The following RAF1 variants were observed in gnomAD, a reference collection of about 807,000 sequenced individuals.
RAF1 encodes the protein RAF proto-oncogene serine/threonine-protein kinase.
Under a neutral mutation model 81.1 loss-of-function variants are expected in RAF1, and 27 were observed. The observed-to-expected ratio is 0.33, with a 90% CI of 0.25 to 0.46. The LOEUF (loss-of-function observed/expected upper bound fraction) is 0.46, where lower values mean the gene tolerates loss of function less well. Among genes scored for constraint, RAF1 ranks in the 20% least tolerant of loss-of-function variants. RAF1 has a pLI of 1.00. For missense variants in RAF1, 598 were observed against 826.0 expected, an observed-to-expected ratio of 0.72 and a Z score of 3.38; for synonymous variants, 298 against 294.0, an observed-to-expected ratio of 1.01 and a Z score of -0.14.
chr3:12,652,952 A>ATT (rs113267671), intron 1 of RAF1, among the ~76,000 whole-genome samples: 23 of 151,198 alleles, frequency 1.5e-4, no homozygotes, highest in African/African-American at 5.1e-4. Flanking sequence ...AAAAAAAAAA[A>ATT]TTTTTTTAAT....
Position 12,659,427 on chromosome 3 carries a change from C to CAAA in RAF1, c.-27+4383_-27+4385dup, listed in dbSNP as rs71063859. ...TGGGCAACAGCACCAGATTTCATCTCAAAAAAAAAAAAAAAAAATTACACG... is the reference window on the plus strand; with the variant it reads ...TGGGCAACAGCACCAGATTTCATCTCAAAAAAAAAAAAAAAAAAAAATTACACG... On this transcript the variant is annotated intron_variant, in intron 1 of 17. Coordinates refer to ENST00000442415, the MANE Select transcript of RAF1 (RefSeq NM_001354689.3). Among the ~76,000 whole-genome samples, 50 of 47,682 alleles carry CAAA rather than the reference C, an allele frequency of 1.0e-3. 2 individuals carry two copies. The highest frequency in any genetic ancestry group is 3.7e-3 in the African/African-American group (41 of 11,164). 31.3% of individuals were successfully genotyped at this position (47,682 alleles called of 152,430 possible).
chr3:12,650,145 CAAA>C (rs36098034), intron 1 of RAF1, among the ~76,000 whole-genome samples: 38 of 76,964 alleles, frequency 4.9e-4, no homozygotes, highest in African/African-American at 1.7e-3. Flanking sequence ...GACTCCATCT[CAAA>C]AAAAAAAAAA....
Position 12,584,002 on chromosome 3 carries a change from C to T in RAF1, c.*512G>A, listed in dbSNP as rs376488730. On this transcript the variant is annotated 3_prime_UTR_variant, in exon 18 of 18. Transcript: ENST00000442415. ...TCCATAGTACCAAAGCAGGCTCCTT[C>T]GGGCGGCCAGAGTCTCGGCAGTCCT... is the stretch of plus-strand genomic sequence containing the variant. The T allele has an allele frequency of 5.4e-4, 135 of 252,248 alleles. No individual in the cohort carries two copies. The highest frequency in any genetic ancestry group is 2.4e-3 in the African/African-American group (112 of 45,870). 15.6% of individuals were successfully genotyped at this position (252,248 alleles called of 1,614,324 possible).
At chr3:12,593,157 CT>C (rs1414645473) in intron 11 of RAF1, among the ~76,000 whole-genome samples, 2 of 148,878 alleles carry the variant, frequency 1.3e-5, no homozygotes, top group South Asian at 2.2e-4. Flanking sequence ...GTGGCACAAT[CT>C]TGGCTCACTG....
chr3:12,610,375 T>A (rs1239756001), intron 3 of RAF1, among the ~76,000 whole-genome samples: 2 of 152,234 alleles, frequency 1.3e-5, no homozygotes, highest in African/African-American at 4.8e-5. Context: ...ATTTTGCCCT[T>A]ATGAAGAGAA....
intron 1 of RAF1, among the ~76,000 whole-genome samples, chr3:12,649,553 C>T (rs908979351): frequency 6.6e-6 from 1 of 151,276 alleles, no homozygotes; most frequent in Non-Finnish European, 1.5e-5. Flanking sequence ...GAGCTATGAT[C>T]GTGCCACTGC....
chr3:12,609,062 G>A (rs2125418095), intron 4 of RAF1, 139 bp from the exon 5 acceptor site: 1 of 1,148,796 alleles, frequency 8.7e-7, no homozygotes, highest in Non-Finnish European at 1.3e-6. Flanking sequence ...TCACAAATTA[G>A]AGTATATCTC....
At chr3:12,650,229 TAGA>T (rs1317417735) in intron 1 of RAF1, among the ~76,000 whole-genome samples, 13 of 148,922 alleles carry the variant, frequency 8.7e-5, no homozygotes, top group Non-Finnish European at 1.3e-4. Flanking sequence ...GAGGCTAAGA[TAGA>T]AGGATTGTCT....
At chr3:12,600,475 G>A (rs575973019) in intron 8 of RAF1, 60 bp from the exon 8 acceptor site, 18 of 1,563,558 alleles carry the variant, frequency 1.2e-5, no homozygotes, top group African/African-American at 4.1e-5. Flanking sequence ...TCTGGGGGAG[G>A]GAAAAAAGAG....
chr3:12,652,500 G>A (rs138956765), intron 1 of RAF1, among the ~76,000 whole-genome samples: 59 of 149,954 alleles, frequency 3.9e-4, no homozygotes, highest in African/African-American at 1.4e-3. Context: ...CAGCCTGGGC[G>A]ACAAAGCTAG....
rs745688302 is a variant in RAF1, at chr3:12,583,779, G to GTT, written c.*733_*734dup. The GTT allele has an allele frequency of 1.6e-3, 374 of 233,604 alleles. No individual in the cohort carries two copies. Among genetic ancestry groups the GTT allele is most frequent in the Non-Finnish European group, 2.6e-3 (310 of 118,148 alleles). 14.5% of individuals were successfully genotyped at this position (233,604 alleles called of 1,614,324 possible). ...GAGAAACAAGGCTGTTTGTTTGTTT[G>GTT]TTTGTTAGAGAAACAAGGCTGGCCC... On this transcript the variant is annotated 3_prime_UTR_variant, in exon 18 of 18. Coordinates refer to ENST00000442415, the MANE Select transcript of RAF1 (RefSeq NM_001354689.3).
At position 12,583,676 on chromosome 3, in the gene RAF1, C is replaced by CAATAAAAACAAAATT. The variant is rs2058213084; in HGVS notation, c.*823_*837dup. 2.6e-5 allele frequency: 6 copies of CAATAAAAACAAAATT among 233,234 alleles called. No homozygotes were observed. The South Asian group carries it at 1.1e-3, about 42-fold the overall frequency. The allele number at this position is 233,234 out of a possible 1,614,324, so 14.4% of individuals were successfully genotyped here. A position where few individuals can be genotyped will look rare whatever the true frequency, so the allele number is the denominator to read the frequency against. On this transcript the variant is annotated 3_prime_UTR_variant, in exon 18 of 18. Coordinates refer to ENST00000442415, the MANE Select transcript of RAF1 (RefSeq NM_001354689.3). ...TCAGATAACTGTATTTTGTCAGGTG[C>CAATAAAAACAAAATT]AATAAAAACAAAATTAAAACCCAAA... is the stretch of plus-strand genomic sequence containing the variant.
intron 1 of RAF1, among the ~76,000 whole-genome samples, chr3:12,656,724 C>T (rs2060705295): frequency 6.6e-6 from 1 of 152,130 alleles, no homozygotes; most frequent in African/African-American, 2.4e-5. Context: ...TTGGCCACTG[C>T]GGTGGCTCAC....
At chr3:12,611,038 A>G (rs890626238) in intron 3 of RAF1, among the ~76,000 whole-genome samples, 28 of 152,164 alleles carry the variant, frequency 1.8e-4, no homozygotes, top group African/African-American at 6.3e-4. Flanking sequence ...AGAAAAGTCA[A>G]TCTCCCGAGG....
intron 1 of RAF1, among the ~76,000 whole-genome samples, chr3:12,657,815 T>C (rs898947998): frequency 1.3e-5 from 2 of 151,478 alleles, no homozygotes; most frequent in Non-Finnish European, 2.9e-5. Context: ...ATATTCACAG[T>C]TGTGGATCCA....
chr3:12,583,701 A>C lies in RAF1; in HGVS notation c.*813T>G, dbSNP rs1402132900. On this transcript the variant is annotated 3_prime_UTR_variant, in exon 18 of 18. Transcript: ENST00000442415. ...CAATAAAAACAAAATTAAAACCCAA[A>C]TCATCAAGAAAACCTGTATTCCTGG... 4.3e-6 allele frequency: 1 copy of C among 233,346 alleles called. No individual in the cohort carries two copies. Among genetic ancestry groups the C allele is most frequent in the African/African-American group, 2.2e-5 (1 of 45,348 alleles). 14.5% of individuals were successfully genotyped at this position (233,346 alleles called of 1,614,324 possible). A position where few individuals can be genotyped will look rare whatever the true frequency, so the allele number is the denominator to read the frequency against.
intron 1 of RAF1, among the ~76,000 whole-genome samples, chr3:12,640,299 T>C (rs1275172951): frequency 2.0e-5 from 3 of 152,158 alleles, no homozygotes; most frequent in East Asian, 1.9e-4. Flanking sequence ...ATTCAGGACA[T>C]AGGCATGGGC....
At chr3:12,604,404 C>G in intron 6 of RAF1, 115 bp from the exon 7 acceptor site, 4 of 1,097,866 alleles carry the variant, frequency 3.6e-6, no homozygotes, top group Non-Finnish European at 5.4e-6. Context: ...CCTGTACAAC[C>G]TTTGACAAAA....
intron 1 of RAF1, among the ~76,000 whole-genome samples, chr3:12,642,294 CA>C (rs112792127): frequency 0.038 from 5,149 of 135,618 alleles, 191 homozygotes; most frequent in African/African-American, 0.092. Context: ...ACTAAAAATA[CA>C]AAAAAAAAAA....
Sources: allele counts gnomAD v4.1 joint callset (sites outside exome capture counted in the v4.1 genomes callset), GRCh38; gene constraint gnomAD v4.1.1; transcripts MANE v1.5; gene names NCBI Gene and HGNC (gene_info 2026-07-23, HGNC 2026-07-21).